The following MAP4 variants were observed in gnomAD, a reference collection of about 807,000 sequenced individuals.
The protein encoded by MAP4 is microtubule-associated protein 4.
MAP4 carries 76 observed loss-of-function variants against 170.2 expected under a neutral mutation model. That is an observed-to-expected ratio of 0.45 (90% CI 0.37 to 0.54). The LOEUF (loss-of-function observed/expected upper bound fraction) is 0.54. Among genes scored for constraint, MAP4 ranks in the 20% least tolerant of loss-of-function variants. MAP4 has a pLI of 0.00. For missense variants in MAP4, 2,506 were observed against 2,748.0 expected (o/e 0.91, Z 1.97); for synonymous variants, 909 against 994.5 (o/e 0.91, Z 1.62).
In MAP4 at chr3:48,055,550, A is replaced by G. The variant is rs9870023; in HGVS notation, c.-20+33223T>C. Among the ~76,000 whole-genome samples the G allele has an allele frequency of 5.2e-3, 735 of 140,824 alleles. 3 individuals carry two copies. The highest frequency in any genetic ancestry group is 0.03 in the South Asian group (118 of 3,954). 92.4% of individuals were successfully genotyped at this position (140,824 alleles called of 152,430 possible). On this transcript the variant is annotated intron_variant, in intron 1 of 18. Transcript: ENST00000360240. ...GAGTGCAGTGGCGTGATCTCGGCTC[A>G]CTACAACCTACACCTCCCAGCCGCC...
At position 47,916,158 on chromosome 3, in the gene MAP4, G is replaced by T; in HGVS notation, c.1669C>A (p.Pro557Thr). ...GTCAGAACCCCATCCTTAGCCAGGG[G>T]TGCTTCTGTTTTGAGGGCTGGGACC... Reference protein sequence around the residue: ...DQVPALKTEAPLAKDGVLTLA... With the variant: ...DQVPALKTEATLAKDGVLTLA... The change falls in exon 7 of 21, where the codon CCC becomes ACC. Residue 557 changes from proline to threonine, a missense_variant. By Grantham distance (38) the Pro-to-Thr change is conservative (BLOSUM62 -1). Around this residue, in one of 3 missense-constraint regions of MAP4, gnomAD observed 2,008 missense variants for 2,206.0 expected, o/e 0.91. Transcript: ENST00000683076. 4 of 1,614,194 alleles carry T rather than the reference G, an allele frequency of 2.5e-6. No individual in the cohort carries two copies. The highest frequency in any genetic ancestry group is 3.4e-6 in the Non-Finnish European group (4 of 1,180,036).
intron 1 of MAP4, among the ~76,000 whole-genome samples, chr3:48,080,759 T>A (rs991015345): frequency 1.3e-5 from 2 of 152,174 alleles, no homozygotes; most frequent in Non-Finnish European, 2.9e-5. Context: ...GGCAGGCGGA[T>A]CACGAGGTCA....
intron 3 of MAP4, among the ~76,000 whole-genome samples, chr3:47,940,770 T>C (rs2100055790): frequency 1.3e-5 from 2 of 152,188 alleles, no homozygotes; most frequent in Admixed American, 6.5e-5. Flanking sequence ...AGATTCCCCA[T>C]TGCAAACAAC....
At chr3:47,997,346 G>T (rs201486664) in intron 2 of MAP4, among the ~76,000 whole-genome samples, 6 of 78,482 alleles carry the variant, frequency 7.6e-5, no homozygotes, top group South Asian at 4.0e-4. Flanking sequence ...AAAAAAAAAA[G>T]ATAAAATCTT....
intron 1 of MAP4, among the ~76,000 whole-genome samples, chr3:48,024,509 T>G (rs1381172208): frequency 6.6e-6 from 1 of 152,076 alleles, no homozygotes; most frequent in Non-Finnish European, 1.5e-5. Context: ...ACAAAGCACT[T>G]GATGAAATTC....
intron 2 of MAP4, among the ~76,000 whole-genome samples, chr3:47,996,892 G>A (rs2100096034): frequency 6.6e-6 from 1 of 152,010 alleles, no homozygotes; most frequent in East Asian, 1.9e-4. Context: ...TGAACAGATG[G>A]GAAATTTTGA....
chr3:48,036,743 A>G (rs1341952071), intron 1 of MAP4, among the ~76,000 whole-genome samples: 1 of 152,250 alleles, frequency 6.6e-6, no homozygotes, highest in Non-Finnish European at 1.5e-5. Flanking sequence ...ATGCATATGA[A>G]AACCAAATGA....
chr3:47,985,215 G>A (rs1235422354), intron 2 of MAP4, among the ~76,000 whole-genome samples: 2 of 152,070 alleles, frequency 1.3e-5, no homozygotes, highest in Non-Finnish European at 1.5e-5. Context: ...GGGAGGCGGA[G>A]GTTGCAGTGA....
Position 47,916,355 on chromosome 3 carries a change from T to A in MAP4, c.1472A>T (p.Asp491Val). The change falls in exon 7 of 21, where the codon GAT (aspartate) becomes GTT (valine). Residue 491 changes from aspartate to valine, a missense_variant. By Grantham distance (152) the Asp-to-Val change is radical. Around this residue, in one of 3 missense-constraint regions of MAP4, gnomAD observed 2,008 missense variants for 2,206.0 expected, o/e 0.91. Coordinates refer to ENST00000683076, the MANE Select transcript of MAP4 (RefSeq NM_001385682.1). ...TTCTTTTACTGTGGACGGAGCCACA[T>A]CCTTGGCCGGGGCTATTTCTGTTTC... Reference protein sequence around the residue: ...LPETEIAPAKDVAPSTVKEVG... With the variant: ...LPETEIAPAKVVAPSTVKEVG... 1 of 1,614,250 alleles carries A rather than the reference T, an allele frequency of 6.2e-7. No homozygotes were observed. The highest frequency in any genetic ancestry group is 8.5e-7 in the Non-Finnish European group (1 of 1,180,038).
chr3:47,892,267 G>A, intron 10 of MAP4: 2 of 1,536,342 alleles, frequency 1.3e-6, no homozygotes, highest in Admixed American at 2.0e-5. Flanking sequence ...AGCAGAGCTT[G>A]TTCTGCTCCA....
intron 7 of MAP4, 70 bp downstream of exon 7, chr3:47,915,881 G>A (rs2100038483): frequency 2.7e-6 from 4 of 1,508,142 alleles, no homozygotes; most frequent in Non-Finnish European, 3.6e-6. Flanking sequence ...CTGGCATGAT[G>A]TTTGTCCTTA....
At chr3:48,043,260 C>A (rs1186274473) in intron 1 of MAP4, among the ~76,000 whole-genome samples, 7 of 152,056 alleles carry the variant, frequency 4.6e-5, no homozygotes, top group Non-Finnish European at 8.8e-5. Context: ...GTCGCCATGC[C>A]CGGCTAATTT....
Position 47,872,089 on chromosome 3 carries a change from A to G in MAP4, c.5769T>C (p.Asp1923=), listed in dbSNP as rs780309178. ...AGGCCCGCTTCTCAGGAGCCTTTGC[A>G]TCTGCAATGGGCTGGAAATAGGAAA... ...SKDVKPKPIA[D]AKAPEKRASP... is the part of the protein sequence containing the mutation. The change falls in exon 13 of 21, where the codon GAT becomes GAC. Residue 1923 remains aspartate, a synonymous_variant. Transcript: ENST00000683076. 8.1e-6 allele frequency: 13 copies of G among 1,611,346 alleles called. No individual in the cohort carries two copies. The East Asian group carries it at 2.5e-4, about 30-fold the overall frequency.
intron 1 of MAP4, among the ~76,000 whole-genome samples, chr3:48,088,068 C>G (rs1343017333): frequency 7.9e-5 from 12 of 152,148 alleles, no homozygotes; most frequent in Admixed American, 4.6e-4. Flanking sequence ...ACAATTTCAC[C>G]AAAGGGATCT....
Position 47,916,342 on chromosome 3 carries a change from G to A in MAP4, c.1485C>T (p.Ser495=), listed in dbSNP as rs777079034. 6.2e-7 allele frequency: 1 copy of A among 1,614,212 alleles called. No homozygotes were observed. Among genetic ancestry groups the A allele is most frequent in the South Asian group, 1.1e-5 (1 of 91,086 alleles). ...EIAPAKDVAP[S]TVKEVGLLKD... is the part of the protein sequence containing the mutation. ...TCAACAAGCCCACTTCTTTTACTGT[G>A]GACGGAGCCACATCCTTGGCCGGGG... is the stretch of plus-strand genomic sequence containing the variant. The change falls in exon 7 of 21, where the codon TCC becomes TCT. Residue 495 remains serine (S), a synonymous_variant. Coordinates refer to ENST00000683076, the MANE Select transcript of MAP4 (RefSeq NM_001385682.1).
chr3:47,993,087 T>C (rs1298519146), intron 2 of MAP4, among the ~76,000 whole-genome samples: 1 of 152,098 alleles, frequency 6.6e-6, no homozygotes, highest in Non-Finnish European at 1.5e-5. Flanking sequence ...GAAAGAATGG[T>C]GAAATCACTG....
chr3:47,976,302 G>A (rs1481611281), intron 3 of MAP4, among the ~76,000 whole-genome samples: 1 of 152,166 alleles, frequency 6.6e-6, no homozygotes, highest in Non-Finnish European at 1.5e-5. Flanking sequence ...CTTCTATTCT[G>A]TACTACTAAG....
At chr3:48,045,572 T>C (rs776643763) in intron 1 of MAP4, among the ~76,000 whole-genome samples, 1 of 152,092 alleles carries the variant, frequency 6.6e-6, no homozygotes, top group Admixed American at 6.6e-5. Flanking sequence ...TCCCCTTCCA[T>C]GGAAAAACTG....
chr3:47,939,325 TTTCA>T (rs72374001), intron 3 of MAP4, among the ~76,000 whole-genome samples: 12,961 of 152,206 alleles, frequency 0.085, 1,815 homozygotes, highest in African/African-American at 0.29. Context: ...TCATTAAAAT[TTTCA>T]TTATTTTACA....
Sources: gnomAD v4.1 joint callset for allele counts (sites outside exome capture counted in the v4.1 genomes callset) on GRCh38, gnomAD v4.1.1 for gene constraint, gnomAD v4.1.1 regional missense constraint, MANE v1.5 for transcripts, NCBI Gene and HGNC (gene_info 2026-07-23, HGNC 2026-07-21) for gene names.